Variants in VWDE observed in about 807,000 individuals in gnomAD.
VWDE encodes the protein von Willebrand factor D and EGF domain-containing protein.
In VWDE, 207 loss-of-function variants were observed where a neutral mutation model predicts 178.4. The ratio of observed to expected loss-of-function variants is 1.16; its 90% CI spans 1.04 to 1.30. The LOEUF (loss-of-function observed/expected upper bound fraction) is 1.30. VWDE is among the 50% of genes most tolerant of loss of function. The pLI is 0.00. For synonymous variants in VWDE, 738 were observed against 651.4 expected, an observed-to-expected ratio of 1.13 and a Z score of -2.02; for missense variants, 2,287 against 1,901.3, an observed-to-expected ratio of 1.20 and a Z score of -3.77.
chr7:12,403,523 G>A lies in VWDE; in HGVS notation c.58+136C>T, dbSNP rs1785010327. On this transcript the variant is annotated intron_variant, in intron 1 of 28. Transcript: ENST00000275358. ...CAGCAGAGGGACAGAGAGGAGGCGGGTGAGGAACAAACATCGCTTGCTGCC... is the reference window on the plus strand; with the variant it reads ...CAGCAGAGGGACAGAGAGGAGGCGGATGAGGAACAAACATCGCTTGCTGCC... 4 of 754,390 alleles carry A rather than the reference G, an allele frequency of 5.3e-6. No individual in the cohort carries two copies. In the African/African-American group the frequency reaches 7.1e-5, roughly 13 times the overall value. The allele number at this position is 754,390 out of a possible 1,614,324, so 46.7% of individuals were successfully genotyped here. A position where few individuals can be genotyped will look rare whatever the true frequency, so the allele number is the denominator to read the frequency against.
At chr7:12,366,814 T>C (rs114428937) in intron 13 of VWDE, among the ~76,000 whole-genome samples, 1,913 of 152,200 alleles carry the variant, frequency 0.013, 35 homozygotes, top group African/African-American at 0.043. Flanking sequence ...AGGAAGACCA[T>C]TTAAATAATC....
Position 12,360,892 on chromosome 7 carries a change from AGTAGTAAATAATTTAGTCTGGACTTC to A in VWDE, c.3159+229_3159+254del, listed in dbSNP as rs1309667531. ...GAAAAAACAATGTAGGTAGGAGTGA[AGTAGTAAATAATTTAGTCTGGACTTC>A]CTCTTACAATTTTTTAGAAGTAATC... is the stretch of plus-strand genomic sequence containing the variant. On this transcript the variant is annotated intron_variant, in intron 15 of 28. Coordinates refer to ENST00000275358, the MANE Select transcript of VWDE (RefSeq NM_001135924.3). Among the ~76,000 whole-genome samples, 3 of 152,214 alleles carry A rather than the reference AGTAGTAAATAATTTAGTCTGGACTTC, an allele frequency of 2.0e-5. 1 individual carries two copies. Among genetic ancestry groups the A allele is most frequent in the African/African-American group, 7.2e-5 (3 of 41,470 alleles).
intron 19 of VWDE, 42 bp downstream of exon 19, chr7:12,351,531 G>C: frequency 1.3e-6 from 2 of 1,500,850 alleles, no homozygotes; most frequent in Non-Finnish European, 1.8e-6. Flanking sequence ...ACAAGTAAGA[G>C]GAATTACTTG....
Position 12,373,020 on chromosome 7 carries a change from C to G in VWDE, c.1544G>C (p.Arg515Thr). ...YLFIKSQDVT[R>T]NIKISESYLG... Reference sequence around the variant, plus strand: ...GTAAGATTCACTTATCTTGATATTCCTGGTTACATCTTGGCTTTTTATGAA... The same window carrying G: ...GTAAGATTCACTTATCTTGATATTCGTGGTTACATCTTGGCTTTTTATGAA... The change falls in exon 10 of 29, where the codon AGG (arginine) becomes ACG (threonine). Residue 515 changes from arginine to threonine, a missense_variant. Arg to Thr is a moderately conservative substitution (Grantham distance 71). Transcript: ENST00000275358. The G allele has an allele frequency of 6.4e-7, 1 of 1,551,032 alleles. No individual in the cohort carries two copies. The highest frequency in any genetic ancestry group is 1.4e-5 in the African/African-American group (1 of 73,076).
rs1781013698 is a variant in VWDE, at chr7:12,336,151, C to T, written c.4644G>A (p.Arg1548=). The change falls in exon 27 of 29, where the codon CGG becomes CGA. Residue 1548 remains arginine (R), a synonymous_variant. Coordinates refer to ENST00000275358, the MANE Select transcript of VWDE (RefSeq NM_001135924.3). ...ATCCTGTGGGCTTACGTATTTGACA[C>T]CGCACTCCTTCCCAGGAGGAAGGAC... is the stretch of plus-strand genomic sequence containing the variant. ...CHCPSSWEGV[R]CQIPICNPKC... 4 of 1,550,818 alleles carry T rather than the reference C, an allele frequency of 2.6e-6. No homozygotes were observed. In the East Asian group the frequency reaches 9.8e-5, roughly 38 times the overall value.
chr7:12,349,042 C>G (rs56820780), intron 19 of VWDE, among the ~76,000 whole-genome samples: 12,057 of 152,002 alleles, frequency 0.079, 641 homozygotes, highest in East Asian at 0.19. Flanking sequence ...CACATGGACA[C>G]AAGAAGGGGA....
rs1434042379 is a variant in VWDE, at chr7:12,370,288, T to C, written c.2018A>G (p.Asn673Ser). The C allele has an allele frequency of 6.4e-7, 1 of 1,551,272 alleles. No individual in the cohort carries two copies. The highest frequency in any genetic ancestry group is 8.7e-7 in the Non-Finnish European group (1 of 1,146,852). Reference sequence around the variant, plus strand: ...TATCTCTCTGACAAGAGTGTCTGAATTAATATATTCGGAGGTGACATCTAG... The same window carrying C: ...TATCTCTCTGACAAGAGTGTCTGAACTAATATATTCGGAGGTGACATCTAG... Reference protein sequence around the residue: ...PELDVTSEYINSDTLVREINK... With the variant: ...PELDVTSEYISSDTLVREINK... The change falls in exon 12 of 29, where the codon AAT becomes AGT. Residue 673 changes from asparagine (N) to serine (S), a missense_variant. By Grantham distance (46) the Asn-to-Ser change is conservative. Coordinates refer to ENST00000275358, the MANE Select transcript of VWDE (RefSeq NM_001135924.3).
chr7:12,373,021 T>C lies in VWDE; in HGVS notation c.1543A>G (p.Arg515Gly). Reference sequence around the variant, plus strand: ...TAAGATTCACTTATCTTGATATTCCTGGTTACATCTTGGCTTTTTATGAAC... The same window carrying C: ...TAAGATTCACTTATCTTGATATTCCCGGTTACATCTTGGCTTTTTATGAAC... Reference protein sequence around the residue: ...YLFIKSQDVTRNIKISESYLG... With the variant: ...YLFIKSQDVTGNIKISESYLG... Residue 515 changes from arginine (R) to glycine (G), a missense_variant, in exon 10 of 29, where the codon AGG becomes GGG. Arg to Gly is a moderately radical substitution (Grantham distance 125). Transcript: ENST00000275358. 7 of 1,551,284 alleles carry C rather than the reference T, an allele frequency of 4.5e-6. No homozygotes were observed. Among genetic ancestry groups the C allele is most frequent in the Non-Finnish European group, 6.1e-6 (7 of 1,146,676 alleles).
chr7:12,374,405 T>C (rs1271166997), intron 9 of VWDE, among the ~76,000 whole-genome samples: 1 of 152,070 alleles, frequency 6.6e-6, no homozygotes, highest in Non-Finnish European at 1.5e-5. Flanking sequence ...TTAATCATTA[T>C]TAAAAATTTA....
At chr7:12,363,369 CAA>C (rs1562487324) in intron 13 of VWDE, among the ~76,000 whole-genome samples, 2 of 151,992 alleles carry the variant, frequency 1.3e-5, no homozygotes, top group Non-Finnish European at 2.9e-5. Flanking sequence ...CAAATATAGA[CAA>C]GAGCTAAATC....
At chr7:12,401,738 C>T (rs193040897) in intron 1 of VWDE, among the ~76,000 whole-genome samples, 1 of 152,242 alleles carries the variant, frequency 6.6e-6, no homozygotes, top group Admixed American at 6.5e-5. Context: ...CTGGCTGTTC[C>T]TTAAGTAGTT....
intron 21 of VWDE, 35 bp downstream of exon 21, chr7:12,344,160 A>G: frequency 6.6e-7 from 1 of 1,508,484 alleles, no homozygotes; most frequent in East Asian, 2.5e-5. Context: ...GCTATATTTT[A>G]GGCCTTATAT....
rs531233812 is a variant in VWDE at position 12,383,573 on chromosome 7, A to G, written c.504T>C (p.Cys168=). The G allele has an allele frequency of 3.9e-6, 6 of 1,550,634 alleles. No homozygotes were observed. The South Asian group carries it at 7.1e-5, about 18-fold the overall frequency. The change falls in exon 4 of 29, where the codon TGT becomes TGC. Residue 168 remains cysteine, a synonymous_variant. Transcript: ENST00000275358. Reference sequence around the variant, plus strand: ...CTCCTGTTTCAGTTTCATCAGAACCACATGGGTGTAATCGTGCATCAGAAA... The same window carrying G: ...CTCCTGTTTCAGTTTCATCAGAACCGCATGGGTGTAATCGTGCATCAGAAA... ...EAISDARLHP[C]GSDETETGGD... is the part of the protein sequence containing the mutation.
chr7:12,364,387 G>A (rs1262660274), intron 13 of VWDE, among the ~76,000 whole-genome samples: 2 of 152,024 alleles, frequency 1.3e-5, no homozygotes, highest in Non-Finnish European at 2.9e-5. Context: ...TTCTAGAGTT[G>A]GGGTAGGAAA....
At chr7:12,364,802 C>T (rs2128554164) in intron 13 of VWDE, among the ~76,000 whole-genome samples, 1 of 152,130 alleles carries the variant, frequency 6.6e-6, no homozygotes, top group Non-Finnish European at 1.5e-5. Flanking sequence ...TTTGCATAAT[C>T]TAAAAGTGTC....
chr7:12,358,373 C>CA (rs112383586), intron 16 of VWDE, among the ~76,000 whole-genome samples: 70,937 of 146,134 alleles, frequency 0.49, 17,611 homozygotes, highest in African/African-American at 0.6. Flanking sequence ...GATTCTGTCT[C>CA]AAAAAATAAA....
At chr7:12,354,537 C>T (rs1033529725) in intron 18 of VWDE, 38 of 295,182 alleles carry the variant, frequency 1.3e-4, no homozygotes, top group African/African-American at 7.5e-4. Context: ...TGAAAAACAT[C>T]GTATGTCCAA....
chr7:12,357,360 C>G lies in VWDE; in HGVS notation c.3430G>C (p.Gly1144Arg). Reference protein sequence around the residue: ...GPEGASVSSAGLFMWKTDLLT... With the variant: ...GPEGASVSSARLFMWKTDLLT... The stretch of plus-strand genomic sequence containing the variant: ...AAATCTGTTTTCCACATAAAAAGCC[C>G]TGCAGAGGAAACACTTGCCCCTTCA... Residue 1144 changes from glycine (G) to arginine (R), a missense_variant, in exon 17 of 29, where the codon GGG becomes CGG. Transcript: ENST00000275358. The G allele has an allele frequency of 6.4e-7, 1 of 1,551,934 alleles. No homozygotes were observed. The highest frequency in any genetic ancestry group is 8.7e-7 in the Non-Finnish European group (1 of 1,147,056).
intron 2 of VWDE, among the ~76,000 whole-genome samples, chr7:12,390,303 A>C (rs1784323689): frequency 6.6e-6 from 1 of 152,104 alleles, no homozygotes; most frequent in Admixed American, 6.6e-5. Flanking sequence ...CTTGGGAAGA[A>C]CCAGGGCCCT....
Sources: allele counts gnomAD v4.1 joint callset (sites outside exome capture counted in the v4.1 genomes callset), GRCh38; gene constraint gnomAD v4.1.1; transcripts MANE v1.5; gene names NCBI Gene and HGNC (gene_info 2026-07-23, HGNC 2026-07-21).